The following LRBA variants were observed in gnomAD, a reference collection of about 807,000 sequenced individuals.
LRBA encodes LPS responsive beige-like anchor protein, also known as lipopolysaccharide-responsive and beige-like anchor protein.
LRBA carries 176 observed loss-of-function variants against 330.0 expected under a neutral mutation model. That is an observed-to-expected ratio of 0.53 (90% CI 0.47 to 0.60). The LOEUF (loss-of-function observed/expected upper bound fraction) is 0.60. LRBA is among the 20% of genes least tolerant of loss of function. The pLI is 0.00. For missense variants in LRBA, 3,259 were observed against 3,444.8 expected (o/e 0.95, Z 1.35); for synonymous variants, 1,230 against 1,193.0 (o/e 1.03, Z -0.64).
At chr4:150,505,637 T>C (rs984902495) in intron 40 of LRBA, among the ~76,000 whole-genome samples, 3 of 152,054 alleles carry the variant, frequency 2.0e-5, no homozygotes, top group Non-Finnish European at 4.4e-5. Flanking sequence ...AGGAAAGATC[T>C]AAAATTCACA....
intron 40 of LRBA, among the ~76,000 whole-genome samples, chr4:150,571,326 C>T (rs1186186204): frequency 2.0e-5 from 3 of 151,876 alleles, no homozygotes; most frequent in Non-Finnish European, 4.4e-5. Flanking sequence ...CAGAAAAACA[C>T]AGATTAAATC....
chr4:150,848,611 A>G (rs1030741470), intron 26 of LRBA, among the ~76,000 whole-genome samples: 1 of 151,784 alleles, frequency 6.6e-6, no homozygotes, highest in Non-Finnish European at 1.5e-5. Flanking sequence ...CCTGACCAAA[A>G]TCACCTTAGT....
intron 2 of LRBA, among the ~76,000 whole-genome samples, chr4:150,987,081 T>C (rs1003195929): frequency 3.3e-5 from 5 of 152,230 alleles, no homozygotes; most frequent in Non-Finnish European, 5.9e-5. Context: ...ATATCAAGTT[T>C]TCATGTCTTC....
rs766957138 is a variant in LRBA at position 150,817,125 on chromosome 4, T to C, written c.5304A>G (p.Pro1768=). The change falls in exon 31 of 57, where the codon CCA becomes CCG. Residue 1768 remains proline (P), a splice_region_variant and synonymous_variant. Transcript: ENST00000651943. ...TGAAATCACTGATAACTAACTCACC[T>C]GGTGATTCTCCTCCCATATCTGAGG... ...AQASDMGGES[P]GSRSSNAKLP... 6.2e-7 allele frequency: 1 copy of C among 1,611,202 alleles called. No individual in the cohort carries two copies. The highest frequency in any genetic ancestry group is 1.3e-5 in the African/African-American group (1 of 74,778).
At chr4:150,597,412 C>T (rs974392578) in intron 38 of LRBA, among the ~76,000 whole-genome samples, 1 of 151,630 alleles carries the variant, frequency 6.6e-6, no homozygotes, top group Admixed American at 6.6e-5. Context: ...TAAATCTATA[C>T]CACAAATTTT....
chr4:150,289,253 T>C (rs35370115), intron 53 of LRBA, among the ~76,000 whole-genome samples: 75,025 of 151,976 alleles, frequency 0.49, 19,805 homozygotes, highest in South Asian at 0.59. Flanking sequence ...ATCCAAACTT[T>C]ATTAAATCAT....
intron 47 of LRBA, among the ~76,000 whole-genome samples, chr4:150,380,517 G>C (rs1018886080): frequency 5.5e-4 from 84 of 151,576 alleles, no homozygotes; most frequent in Non-Finnish European, 1.2e-3. Flanking sequence ...AGGGCCCTGG[G>C]ATCTGCATTT....
At chr4:150,392,408 T>C (rs1053271885) in intron 47 of LRBA, among the ~76,000 whole-genome samples, 1 of 152,158 alleles carries the variant, frequency 6.6e-6, no homozygotes, top group Non-Finnish European at 1.5e-5. Flanking sequence ...GGTGTCTGCA[T>C]ATTTGCTGTT....
chr4:150,474,243 TTG>T (rs1301788561), intron 42 of LRBA, among the ~76,000 whole-genome samples: 2 of 152,170 alleles, frequency 1.3e-5, no homozygotes, highest in African/African-American at 4.8e-5. Flanking sequence ...CCTCACTGAA[TTG>T]TGTTGGCACC....
At chr4:150,860,045 T>C (rs1162885823) in intron 22 of LRBA, among the ~76,000 whole-genome samples, 1 of 152,198 alleles carries the variant, frequency 6.6e-6, no homozygotes, top group Non-Finnish European at 1.5e-5. Context: ...TATTAAATAA[T>C]GACTTGAAGA....
At chr4:150,768,273 A>C (rs1390592544) in intron 34 of LRBA, among the ~76,000 whole-genome samples, 1 of 152,120 alleles carries the variant, frequency 6.6e-6, no homozygotes, top group Non-Finnish European at 1.5e-5. Context: ...AACAAAGTAG[A>C]GGAATCAACA....
chr4:150,973,596 T>C (rs770793943), intron 2 of LRBA, among the ~76,000 whole-genome samples: 9 of 152,220 alleles, frequency 5.9e-5, no homozygotes, highest in Non-Finnish European at 1.2e-4. Context: ...AATCTTCTAA[T>C]AATTCTGTTC....
intron 40 of LRBA, among the ~76,000 whole-genome samples, chr4:150,528,393 C>A (rs1004812159): frequency 1.3e-5 from 2 of 151,266 alleles, no homozygotes; most frequent in African/African-American, 4.9e-5. Flanking sequence ...CTTAGCTACT[C>A]GGGATGCTGA....
chr4:150,788,949 C>A (rs1454802028), intron 34 of LRBA, among the ~76,000 whole-genome samples: 3 of 148,442 alleles, frequency 2.0e-5, no homozygotes. Context: ...TGGCGTGTGC[C>A]TGTAATCCCA....
At chr4:150,626,993 C>T (rs1482333803) in intron 37 of LRBA, among the ~76,000 whole-genome samples, 3 of 151,914 alleles carry the variant, frequency 2.0e-5, no homozygotes, top group African/African-American at 7.2e-5. Flanking sequence ...AAAATAATCA[C>T]CTTTCATTTA....
chr4:150,904,459 A>C (rs1731092132), intron 13 of LRBA, among the ~76,000 whole-genome samples: 1 of 152,210 alleles, frequency 6.6e-6, no homozygotes, highest in African/African-American at 2.4e-5. Context: ...GAAATTGAGA[A>C]AAGTTATTAA....
intron 50 of LRBA, 151 bp from the exon 51 acceptor site, chr4:150,315,774 C>A: frequency 1.7e-6 from 1 of 584,564 alleles, no homozygotes; most frequent in Non-Finnish European, 3.0e-6. Context: ...AATCCAGGTG[C>A]TTTTATGGCT....
chr4:151,011,807 T>G lies in LRBA; in HGVS notation c.216+2620A>C, dbSNP rs559083082. Among the ~76,000 whole-genome samples, 3 of 151,958 alleles carry G rather than the reference T, an allele frequency of 2.0e-5. No individual in the cohort carries two copies. In the South Asian group the frequency reaches 6.3e-4, roughly 32 times the overall value. ...CTCCCACCTCATCCTCCCAAGTAGC[T>G]GGGACCACAGGTATATGCCACCATG... On this transcript the variant is annotated intron_variant, in intron 2 of 56. Coordinates refer to ENST00000651943, the MANE Select transcript of LRBA (RefSeq NM_001364905.1).
chr4:150,782,529 A>AC (rs1297843498), intron 34 of LRBA, among the ~76,000 whole-genome samples: 1 of 152,176 alleles, frequency 6.6e-6, no homozygotes, highest in African/African-American at 2.4e-5. Flanking sequence ...GCTTGTGGCC[A>AC]AAGAAAACAG....
Sources: gnomAD v4.1 joint callset for allele counts (sites outside exome capture counted in the v4.1 genomes callset) on GRCh38, gnomAD v4.1.1 for gene constraint, MANE v1.5 for transcripts, NCBI Gene and HGNC (gene_info 2026-07-23, HGNC 2026-07-21) for gene names.